MRPL24: variants seen among roughly 807,000 people sequenced by gnomAD.
MRPL24 encodes large ribosomal subunit protein uL24m.
In MRPL24, 15 loss-of-function variants were observed where a neutral mutation model predicts 26.9. The ratio of observed to expected loss-of-function variants is 0.56; its 90% CI spans 0.37 to 0.86. The LOEUF (loss-of-function observed/expected upper bound fraction) is 0.86. Among genes scored for constraint, MRPL24 ranks in the 40% least tolerant of loss-of-function variants. The pLI, the probability that MRPL24 is intolerant of heterozygous loss-of-function variation, is 0.00. For missense variants in MRPL24, 241 were observed against 281.4 expected (o/e 0.86, Z 1.03); for synonymous variants, 92 against 102.4 (o/e 0.90, Z 0.62).
intron 1 of MRPL24, among the ~76,000 whole-genome samples, chr1:156,739,290 C>T (rs1650002155): frequency 6.6e-6 from 1 of 152,128 alleles, no homozygotes; most frequent in Non-Finnish European, 1.5e-5. Context: ...AGGAAAAGGA[C>T]CCAGGGCCAG....
In MRPL24 at chr1:156,737,788, A is replaced by T; in HGVS notation, c.384-12T>A. 6.2e-7 allele frequency: 1 copy of T among 1,613,930 alleles called. No individual in the cohort carries two copies. The highest frequency in any genetic ancestry group is 8.5e-7 in the Non-Finnish European group (1 of 1,179,956). On this transcript the variant is annotated splice_polypyrimidine_tract_variant and intron_variant, in intron 4 of 5. Transcript: ENST00000361531. ...TCTCAGTGGGTTTCCTGGTGGATAG[A>T]AGAGGTGAGCCTGGCCTACGAGCCA...
intron 1 of MRPL24, among the ~76,000 whole-genome samples, chr1:156,739,356 C>T (rs571406976): frequency 6.6e-6 from 1 of 152,234 alleles, no homozygotes; most frequent in African/African-American, 2.4e-5. Flanking sequence ...CTAAACCACT[C>T]GATTCTCAAT....
chr1:156,741,166 A>T (rs553091704), upstream of MRPL24: 1 of 152,350 alleles, frequency 6.6e-6, no homozygotes, highest in South Asian at 2.1e-4. Flanking sequence ...CGGAAGCTCA[A>T]CCACGAATCT....
At chr1:156,740,662 C>G (rs772261414) in intron 1 of MRPL24, 1 of 152,260 alleles carries the variant, frequency 6.6e-6, no homozygotes, top group Non-Finnish European at 1.5e-5. Flanking sequence ...GTGATTGCTG[C>G]AAGGAGCCCC....
At chr1:156,742,570 T>A (rs2102692819), upstream of MRPL24, 1 of 152,918 alleles carries the variant, frequency 6.5e-6, no homozygotes, top group East Asian at 1.9e-4. Context: ...TCCTAAAAAA[T>A]GTGTCTTTTC....
In MRPL24 at chr1:156,737,792, GGT is replaced by G. The variant is rs1000659619; in HGVS notation, c.384-18_384-17del. 1 of 1,613,450 alleles carries G rather than the reference GGT, an allele frequency of 6.2e-7. No individual in the cohort carries two copies. Among genetic ancestry groups the G allele is most frequent in the Non-Finnish European group, 8.5e-7 (1 of 1,179,784 alleles). ...AGTGGGTTTCCTGGTGGATAGAAGA[GGT>G]GAGCCTGGCCTACGAGCCAGGCTTC... is the stretch of plus-strand genomic sequence containing the variant. On this transcript the variant is annotated splice_polypyrimidine_tract_variant and intron_variant, in intron 4 of 5. Transcript: ENST00000361531.
upstream of MRPL24, among the ~76,000 whole-genome samples, chr1:156,741,834 G>A (rs569456313): frequency 1.7e-4 from 26 of 152,256 alleles, no homozygotes; most frequent in African/African-American, 6.0e-4. Flanking sequence ...GCCGATACTC[G>A]CATCCTCCCA....
intron 1 of MRPL24, chr1:156,740,484 GC>G (rs1650046289): frequency 6.6e-6 from 1 of 152,140 alleles, no homozygotes; most frequent in African/African-American, 2.4e-5. Flanking sequence ...GAATTTCATT[GC>G]CGGCATTTGG....
intron 1 of MRPL24, chr1:156,740,448 C>T (rs1287493176): frequency 2.0e-5 from 3 of 152,182 alleles, no homozygotes; most frequent in Non-Finnish European, 4.4e-5. Flanking sequence ...TTAGAGAGGA[C>T]TACTATATGA....
In MRPL24 at chr1:156,737,479, A is replaced by G. The variant is rs891173242; in HGVS notation, c.570T>C (p.Cys190=). Residue 190 remains cysteine, a synonymous_variant, in exon 6 of 6, where the codon TGT becomes TGC. Transcript: ENST00000361531. ...TCACCTCCTCCTGCAGTGTCTTTAG[A>G]CAGGGCACATAGGTTCTTTCTAAAG... ...EDALERTYVP[C]LKTLQEEVME... 1.9e-6 allele frequency: 3 copies of G among 1,612,412 alleles called. No homozygotes were observed. The African/African-American group carries it at 4.0e-5, about 22-fold the overall frequency.
upstream of MRPL24, chr1:156,742,062 T>C (rs920105358): frequency 5.9e-5 from 9 of 152,660 alleles, no homozygotes; most frequent in African/African-American, 2.2e-4. Context: ...CCACTTTCTG[T>C]CTTCAGTTAA....
Position 156,738,399 on chromosome 1 carries a change from T to C in MRPL24, c.223A>G (p.Lys75Glu), listed in dbSNP as rs1649961182. The C allele has an allele frequency of 1.9e-6, 3 of 1,614,082 alleles. No individual in the cohort carries two copies. Among genetic ancestry groups the C allele is most frequent in the Admixed American group, 1.7e-5 (1 of 60,008 alleles). Reference sequence around the variant, plus strand: ...CGCTGCCGGATAACTTGAACCACTTTGCCCTGCTTCCCGGCATCCTTGCCT... The same window carrying C: ...CGCTGCCGGATAACTTGAACCACTTCGCCCTGCTTCCCGGCATCCTTGCCT... ...LEGKDAGKQGKVVQVIRQRNW... is the reference protein window; with the variant it reads ...LEGKDAGKQGEVVQVIRQRNW... Residue 75 changes from lysine (K) to glutamate (E), a missense_variant, in exon 3 of 6, where the codon AAA becomes GAA. Physicochemically the swap from Lys to Glu is moderately conservative, Grantham distance 56 (BLOSUM62 1). Coordinates refer to ENST00000361531, the MANE Select transcript of MRPL24 (RefSeq NM_145729.3).
At chr1:156,739,373 G>A (rs1484328118) in intron 1 of MRPL24, among the ~76,000 whole-genome samples, 1 of 152,124 alleles carries the variant, frequency 6.6e-6, no homozygotes, top group African/African-American at 2.4e-5. Context: ...CAATTAATGA[G>A]GTGGTGAATG....
At chr1:156,737,916 T>C in intron 4 of MRPL24, 115 bp downstream of exon 4, 1 of 1,423,632 alleles carries the variant, frequency 7.0e-7, no homozygotes, top group Admixed American at 2.0e-5. Flanking sequence ...CAGGGAATCA[T>C]GTCCATGAGA....
intron 1 of MRPL24, 149 bp from the exon 2 acceptor site, chr1:156,738,913 C>T: frequency 1.9e-6 from 1 of 538,736 alleles, no homozygotes; most frequent in East Asian, 3.2e-5. Context: ...GGTCAAGTAA[C>T]TTGCTTATGA....
intron 1 of MRPL24, among the ~76,000 whole-genome samples, chr1:156,739,465 T>C (rs1359262964): frequency 6.6e-6 from 1 of 152,156 alleles, no homozygotes; most frequent in Admixed American, 6.5e-5. Context: ...CTTTCCTGTA[T>C]CTCATTTATG....
Position 156,738,406 on chromosome 1 carries a change from C to T in MRPL24, c.216G>A (p.Lys72=), listed in dbSNP as rs1649961518. The T allele has an allele frequency of 2.5e-6, 4 of 1,614,066 alleles. No homozygotes were observed. Among genetic ancestry groups the T allele is most frequent in the Non-Finnish European group, 3.4e-6 (4 of 1,180,046 alleles). Residue 72 remains lysine (K), a synonymous_variant, in exon 3 of 6, where the codon AAG becomes AAA. Transcript: ENST00000361531. ...GGATAACTTGAACCACTTTGCCCTG[C>T]TTCCCGGCATCCTTGCCTTCTAGGA... ...VEILEGKDAG[K]QGKVVQVIRQ...
At chr1:156,738,798 C>G in intron 1 of MRPL24, 34 bp from the exon 2 acceptor site, 1 of 1,225,772 alleles carries the variant, frequency 8.2e-7, no homozygotes, top group Non-Finnish European at 1.1e-6. Flanking sequence ...AACAAAGAGG[C>G]AAGGGAAGGA....
chr1:156,742,558 T>G (rs951851794), upstream of MRPL24: 1 of 152,768 alleles, frequency 6.5e-6, no homozygotes, highest in African/African-American at 2.4e-5. Flanking sequence ...ATTAAAAACA[T>G]TTCCTAAAAA....
Sources: gnomAD v4.1 joint callset for allele counts (sites outside exome capture counted in the v4.1 genomes callset) on GRCh38, gnomAD v4.1.1 for gene constraint, MANE v1.5 for transcripts, NCBI Gene and HGNC (gene_info 2026-07-23, HGNC 2026-07-21) for gene names.